The following BIN2 variants were observed in gnomAD, a reference collection of about 807,000 sequenced individuals.
BIN2 encodes breast cancer associated protein BRAP1.
A neutral mutation model predicts 67.9 loss-of-function variants in BIN2; 43 were observed. The ratio of observed to expected loss-of-function variants is 0.63; its 90% CI spans 0.50 to 0.82. BIN2 has a LOEUF of 0.82. Ranked by LOEUF, BIN2 falls within the 40% of genes least tolerant of loss-of-function variation. The pLI is 0.00. For synonymous variants in BIN2, 244 were observed against 246.8 expected (o/e 0.99, Z 0.11); for missense variants, 581 against 671.6 (o/e 0.87, Z 1.49).
upstream of BIN2, chr12:51,324,615 T>C: frequency 2.2e-6 from 3 of 1,335,384 alleles, no homozygotes; most frequent in South Asian, 1.5e-5. Context: ...CTGGTAGGGA[T>C]AGAGTGCAGA....
At chr12:51,323,294 G>A (rs1946335276) in intron 1 of BIN2, 1 of 151,762 alleles carries the variant, frequency 6.6e-6, no homozygotes, top group South Asian at 2.1e-4. Context: ...ATCAAAATGT[G>A]TAGAGAATGT....
rs553501608 is a variant in BIN2 at position 51,297,423 on chromosome 12, C to T, written c.603-259G>A. ...TCTACTAAAAAAAAAAAAAATTAGC[C>T]GGGCGTGGTGGCATGAGCCTGTAGT... On this transcript the variant is annotated intron_variant, in intron 7 of 12. Coordinates refer to ENST00000615107, the MANE Select transcript of BIN2 (RefSeq NM_016293.4). 583 of 289,290 alleles carry T rather than the reference C, an allele frequency of 2.0e-3. 2 individuals are homozygous for T. Among genetic ancestry groups the T allele is most frequent in the Admixed American group, 6.3e-3 (125 of 19,932 alleles). The allele number at this position is 289,290 out of a possible 1,614,324, so 17.9% of individuals were successfully genotyped here.
Position 51,319,359 on chromosome 12 carries a change from G to T in BIN2, c.81+4663C>A, listed in dbSNP as rs929824617. Among the ~76,000 whole-genome samples the T allele has an allele frequency of 2.0e-5, 3 of 152,172 alleles. No individual in the cohort carries two copies. In the South Asian group the frequency reaches 6.2e-4, roughly 31 times the overall value. ...CCCTGAAACATACCCCAGTACTCTG[G>T]AGCCAAAGTAATTTGTTGCCATAAG... On this transcript the variant is annotated intron_variant, in intron 1 of 12. Transcript: ENST00000615107.
rs567928741 is a variant in BIN2, at chr12:51,319,890, T to C, written c.81+4132A>G. Reference sequence around the variant, plus strand: ...TGCATAGGGCCTGGATATTTGATATTATAAAATTTTGCTAAAATTTTTTCT... The same window carrying C: ...TGCATAGGGCCTGGATATTTGATATCATAAAATTTTGCTAAAATTTTTTCT... On this transcript the variant is annotated intron_variant, in intron 1 of 12. Transcript: ENST00000615107. Among the ~76,000 whole-genome samples, 3 of 152,318 alleles carry C rather than the reference T, an allele frequency of 2.0e-5. No individual in the cohort carries two copies. The South Asian group carries it at 6.2e-4, about 32-fold the overall frequency.
chr12:51,302,039 G>T lies in BIN2; in HGVS notation c.389C>A (p.Ala130Asp). 6.2e-7 allele frequency: 1 copy of T among 1,613,042 alleles called. No homozygotes were observed. Among genetic ancestry groups the T allele is most frequent in the Non-Finnish European group, 8.5e-7 (1 of 1,179,124 alleles). ...GAGTACCTTAATTTCACTGAACTGG[G>T]CAACATAGATTTCCATGGTCCTTAC... ...QAVRTMEIYVAQFSEIKERIA... is the reference protein window; with the variant it reads ...QAVRTMEIYVDQFSEIKERIA... The change falls in exon 5 of 13, where the codon GCC becomes GAC. Residue 130 changes from alanine (A) to aspartate (D), a missense_variant. Ala to Asp is a moderately radical substitution (Grantham distance 126). Coordinates refer to ENST00000615107, the MANE Select transcript of BIN2 (RefSeq NM_016293.4).
At chr12:51,323,438 C>T (rs1565695185) in intron 1 of BIN2, among the ~76,000 whole-genome samples, 1 of 152,186 alleles carries the variant, frequency 6.6e-6, no homozygotes, top group Admixed American at 6.5e-5. Flanking sequence ...GGGAGGTGTA[C>T]TCCCCAACGC....
chr12:51,313,880 A>G lies in BIN2; in HGVS notation c.105T>C (p.Ala35=). The change falls in exon 2 of 13, where the codon GCT becomes GCC. Residue 35 remains alanine (A), a synonymous_variant. Transcript: ENST00000615107. ...QEKVLQKLGK[A]VETKDERFEQ... ...CAAATCGTTCATCTTTGGTTTCTACAGCTTTCCCCAATTTCTGCAGCACCT... is the reference window on the plus strand; with the variant it reads ...CAAATCGTTCATCTTTGGTTTCTACGGCTTTCCCCAATTTCTGCAGCACCT... 1 of 1,613,980 alleles carries G rather than the reference A, an allele frequency of 6.2e-7. No individual in the cohort carries two copies. The highest frequency in any genetic ancestry group is 2.2e-5 in the East Asian group (1 of 44,882).
chr12:51,301,706 T>C (rs920664822), intron 5 of BIN2, among the ~76,000 whole-genome samples: 8 of 152,046 alleles, frequency 5.3e-5, no homozygotes, highest in African/African-American at 1.9e-4. Flanking sequence ...GATGGGATTT[T>C]GCCATGTTGC....
In BIN2 at chr12:51,291,672, A is replaced by G; in HGVS notation, c.1434T>C (p.Thr478=). The G allele has an allele frequency of 6.2e-7, 1 of 1,613,726 alleles. No homozygotes were observed. The highest frequency in any genetic ancestry group is 8.5e-7 in the Non-Finnish European group (1 of 1,179,800). The change falls in exon 10 of 13, where the codon ACT becomes ACC. Residue 478 remains threonine (T), a synonymous_variant. Coordinates refer to ENST00000615107, the MANE Select transcript of BIN2 (RefSeq NM_016293.4). The part of the protein sequence containing the change: ...NPEPPEKPVR[T]PEAKENENIH... Reference sequence around the variant, plus strand: ...TGTTTTCATTTTCTTTGGCCTCAGGAGTTCTTACTGGCTTCTCTGGTGGTT... The same window carrying G: ...TGTTTTCATTTTCTTTGGCCTCAGGGGTTCTTACTGGCTTCTCTGGTGGTT...
chr12:51,319,722 A>T (rs913724754), intron 1 of BIN2, among the ~76,000 whole-genome samples: 2 of 152,142 alleles, frequency 1.3e-5, no homozygotes, highest in African/African-American at 2.4e-5. Flanking sequence ...ATTATTTATA[A>T]CTTTTCTGTA....
intron 1 of BIN2, among the ~76,000 whole-genome samples, chr12:51,315,156 ATTG>A (rs1413783954): frequency 6.6e-6 from 1 of 151,154 alleles, no homozygotes; most frequent in African/African-American, 2.4e-5. Flanking sequence ...GCTGGCTGGC[ATTG>A]TTATTATTAT....
At chr12:51,283,753 G>T (rs559434138) in intron 12 of BIN2, among the ~76,000 whole-genome samples, 1 of 152,142 alleles carries the variant, frequency 6.6e-6, no homozygotes, top group Non-Finnish European at 1.5e-5. Flanking sequence ...CCAGCACTTT[G>T]GGAGGCCAAG....
intron 12 of BIN2, among the ~76,000 whole-genome samples, chr12:51,284,141 C>T (rs1304254907): frequency 6.6e-6 from 1 of 152,196 alleles, no homozygotes; most frequent in East Asian, 1.9e-4. Context: ...GCTTCCACTC[C>T]TGCAAGCTCC....
At chr12:51,309,343 G>A (rs566016338) in intron 2 of BIN2, among the ~76,000 whole-genome samples, 11 of 152,268 alleles carry the variant, frequency 7.2e-5, no homozygotes, top group African/African-American at 2.6e-4. Context: ...TGACTGTATT[G>A]TCACTGTCTT....
At chr12:51,303,005 G>A (rs1945770526) in intron 3 of BIN2, 82 bp downstream of exon 3, 1 of 1,464,302 alleles carries the variant, frequency 6.8e-7, no homozygotes, top group South Asian at 1.1e-5. Flanking sequence ...AAAAACCTGG[G>A]GGTATGGCTA....
At position 51,324,125 on chromosome 12, in the gene BIN2, CCGCCCTGGCCCCG is replaced by C; in HGVS notation, c.-36_-24del. On this transcript the variant is annotated 5_prime_UTR_variant, in exon 1 of 13. Coordinates refer to ENST00000615107, the MANE Select transcript of BIN2 (RefSeq NM_016293.4). ...CATCCTGCCAACTCCCTGGGGGCCGCCGCCCTGGCCCCGCGCCCTGTGGTTTTCTGAGGCCCCC... is the reference window on the plus strand; with the variant it reads ...CATCCTGCCAACTCCCTGGGGGCCGCCGCCCTGTGGTTTTCTGAGGCCCCC... The C allele has an allele frequency of 6.2e-7, 1 of 1,610,824 alleles. No homozygotes were observed. Among genetic ancestry groups the C allele is most frequent in the South Asian group, 1.1e-5 (1 of 90,914 alleles).
intron 1 of BIN2, among the ~76,000 whole-genome samples, chr12:51,320,147 T>C (rs1359677723): frequency 6.6e-6 from 1 of 152,050 alleles, no homozygotes; most frequent in Non-Finnish European, 1.5e-5. Flanking sequence ...ACTAGGCTAA[T>C]TTTTGTATTT....
chr12:51,312,590 G>A (rs1242196789), intron 2 of BIN2, among the ~76,000 whole-genome samples: 1 of 152,206 alleles, frequency 6.6e-6, no homozygotes, highest in Non-Finnish European at 1.5e-5. Context: ...TCAAGGATAG[G>A]AGAAAGTGAG....
At chr12:51,322,702 C>T (rs1233925751) in intron 1 of BIN2, 3 of 151,934 alleles carry the variant, frequency 2.0e-5, no homozygotes, top group South Asian at 4.2e-4. Context: ...GCCCTGCTCT[C>T]GGGTCTACCA....
Sources: gnomAD v4.1 joint callset for allele counts (sites outside exome capture counted in the v4.1 genomes callset) on GRCh38, gnomAD v4.1.1 for gene constraint, MANE v1.5 for transcripts, NCBI Gene and HGNC (gene_info 2026-07-23, HGNC 2026-07-21) for gene names.